The following SEC16B variants were observed in gnomAD, a reference collection of about 807,000 sequenced individuals.
SEC16B encodes protein transport protein Sec16B.
A neutral mutation model predicts 141.8 loss-of-function variants in SEC16B; 115 were observed. That is an observed-to-expected ratio of 0.81 (90% CI 0.70 to 0.95). SEC16B has a LOEUF of 0.95. Among genes scored for constraint, SEC16B ranks in the 40% least tolerant of loss-of-function variants. The pLI is 0.00. For missense variants in SEC16B, 1,291 were observed against 1,312.3 expected, an observed-to-expected ratio of 0.98 and a Z score of 0.25; for synonymous variants, 493 against 492.5, an observed-to-expected ratio of 1.00 and a Z score of -0.01.
chr1:177,948,606 T>C, intron 12 of SEC16B: 1 of 1,303,762 alleles, frequency 7.7e-7, no homozygotes. Context: ...GCATCAATGG[T>C]GTTTTCCCCA....
At chr1:177,937,535 AAAG>A (rs1475690819) in intron 18 of SEC16B, 22 bp from the exon 19 acceptor site, 1 of 1,487,106 alleles carries the variant, frequency 6.7e-7, no homozygotes, top group African/African-American at 1.4e-5. Flanking sequence ...GAACAAAGGT[AAAG>A]AAGTCAGACC....
At chr1:177,963,431 G>A (rs1330135472) in intron 5 of SEC16B, among the ~76,000 whole-genome samples, 4 of 151,446 alleles carry the variant, frequency 2.6e-5, no homozygotes, top group South Asian at 2.1e-4. Flanking sequence ...GGTGAAACCC[G>A]GTCTCTACTA....
chr1:177,967,036 T>C (rs1653582225), intron 2 of SEC16B, among the ~76,000 whole-genome samples: 1 of 152,128 alleles, frequency 6.6e-6, no homozygotes, highest in Middle Eastern at 3.2e-3. Flanking sequence ...GTCCAGTGCT[T>C]ACAGACCAGG....
intron 5 of SEC16B, 91 bp downstream of exon 5, chr1:177,964,080 T>G: frequency 1.2e-6 from 1 of 862,206 alleles, no homozygotes; most frequent in East Asian, 2.9e-5. Context: ...CCACTGGACA[T>G]CCATCCCCAA....
At chr1:177,941,455 GAT>G (rs1651264926) in intron 16 of SEC16B, among the ~76,000 whole-genome samples, 1 of 152,144 alleles carries the variant, frequency 6.6e-6, no homozygotes, top group Non-Finnish European at 1.5e-5. Context: ...ACTAAAGGTT[GAT>G]ATGTTTTTGT....
chr1:177,939,585 C>T (rs1464592602), intron 18 of SEC16B, 117 bp downstream of exon 18: 4 of 856,270 alleles, frequency 4.7e-6, no homozygotes, highest in African/African-American at 1.7e-5. Flanking sequence ...CGGACTTACA[C>T]AGGCAAGGCA....
chr1:177,968,703 C>T (rs188253491), intron 1 of SEC16B, among the ~76,000 whole-genome samples: 3 of 152,080 alleles, frequency 2.0e-5, no homozygotes, highest in Admixed American at 1.3e-4. Context: ...TTAGACTGAC[C>T]TTTTCAAGAA....
chr1:177,980,971 G>A (rs534646501), intron 1 of SEC16B, among the ~76,000 whole-genome samples: 4 of 152,188 alleles, frequency 2.6e-5, no homozygotes, highest in Non-Finnish European at 2.9e-5. Flanking sequence ...AATGTGGTTT[G>A]AGCTTAGAAT....
chr1:177,971,602 T>C (rs558309321), upstream of SEC16B: 1 of 152,356 alleles, frequency 6.6e-6, no homozygotes, highest in African/African-American at 2.4e-5. Context: ...TTTTGGCATA[T>C]AATGTGACAT....
chr1:177,965,410 T>C (rs910537392), intron 3 of SEC16B, among the ~76,000 whole-genome samples: 5 of 152,090 alleles, frequency 3.3e-5, no homozygotes, highest in African/African-American at 4.8e-5. Context: ...GGTGTGTGTG[T>C]GTGTGTTCAA....
At chr1:177,956,741 C>T (rs1188642032) in intron 10 of SEC16B, among the ~76,000 whole-genome samples, 3 of 152,140 alleles carry the variant, frequency 2.0e-5, no homozygotes, top group African/African-American at 4.8e-5. Flanking sequence ...GAAATCAATA[C>T]ACATTCGGTA....
intron 18 of SEC16B, 88 bp from the exon 19 acceptor site, chr1:177,937,601 T>G: frequency 8.3e-7 from 1 of 1,202,668 alleles, no homozygotes; most frequent in Non-Finnish European, 1.1e-6. Flanking sequence ...TGCTTATGTC[T>G]TCTTTGGAAA....
intron 2 of SEC16B, 135 bp from the exon 3 acceptor site, chr1:177,966,140 A>G (rs1415085): frequency 0.77 from 396,932 of 514,582 alleles, 153,886 homozygotes; most frequent in African/African-American, 0.85. Flanking sequence ...TGAAAGCCAC[A>G]GTTAATTCTA....
intron 3 of SEC16B, 27 bp downstream of exon 3, chr1:177,965,866 A>T: frequency 6.9e-7 from 1 of 1,443,914 alleles, no homozygotes; most frequent in Non-Finnish European, 9.5e-7. Flanking sequence ...CCCAAATCCC[A>T]GAGGCTTCTT....
At chr1:177,948,075 T>C (rs1357378891) in intron 12 of SEC16B, 133 bp from the exon 13 acceptor site, 1 of 774,396 alleles carries the variant, frequency 1.3e-6, no homozygotes, top group East Asian at 2.7e-5. Context: ...ATGCTGCCAT[T>C]CATTGATTTA....
At chr1:177,951,560 T>C (rs1652193525) in intron 12 of SEC16B, among the ~76,000 whole-genome samples, 1 of 152,158 alleles carries the variant, frequency 6.6e-6, no homozygotes, top group Admixed American at 6.6e-5. Flanking sequence ...CTCTTGCCAT[T>C]CACAGCAGAG....
In SEC16B at chr1:177,946,414, G is replaced by T; in HGVS notation, c.1775+6C>A. ...CTTACTGTTTCCTTTCTCCCAGGTC[G>T]CATACCTGTGGCTGCTGCCCAGCAA... is the stretch of plus-strand genomic sequence containing the variant. On this transcript the variant is annotated splice_donor_region_variant and intron_variant, in intron 14 of 25. Transcript: ENST00000308284. 1 of 1,548,576 alleles carries T rather than the reference G, an allele frequency of 6.5e-7. No individual in the cohort carries two copies. Among genetic ancestry groups the T allele is most frequent in the Non-Finnish European group, 8.8e-7 (1 of 1,141,466 alleles).
At chr1:177,983,231 C>T (rs927523073) in intron 1 of SEC16B, among the ~76,000 whole-genome samples, 2 of 152,160 alleles carry the variant, frequency 1.3e-5, no homozygotes, top group Non-Finnish European at 2.9e-5. Context: ...TAAACTGAAG[C>T]CCAGAGTGCC....
intron 25 of SEC16B, 81 bp downstream of exon 25, chr1:177,930,464 T>A: frequency 1.1e-6 from 1 of 879,900 alleles, no homozygotes; most frequent in South Asian, 1.6e-5. Context: ...TCATAAATGG[T>A]AAACTGGGAT....
Sources: gnomAD v4.1 joint callset for allele counts (sites outside exome capture counted in the v4.1 genomes callset) on GRCh38, gnomAD v4.1.1 for gene constraint, MANE v1.5 for transcripts, NCBI Gene and HGNC (gene_info 2026-07-23, HGNC 2026-07-21) for gene names.